Variants in CACNB2 observed in about 807,000 individuals in gnomAD.
CACNB2 encodes voltage-dependent L-type calcium channel subunit beta-2.
A neutral mutation model predicts 73.3 loss-of-function variants in CACNB2; 42 were observed. The observed-to-expected ratio is 0.57, with a 90% CI of 0.45 to 0.74. The LOEUF is 0.74. Among genes scored for constraint, CACNB2 ranks in the 30% least tolerant of loss-of-function variants. The pLI, the probability that CACNB2 is intolerant of heterozygous loss-of-function variation, is 0.00. For missense variants in CACNB2, 940 were observed against 853.0 expected (o/e 1.10, Z -1.27); for synonymous variants, 348 against 310.3 (o/e 1.12, Z -1.28).
chr10:18,317,026 T>G (rs2040212918), intron 2 of CACNB2, among the ~76,000 whole-genome samples: 1 of 152,080 alleles, frequency 6.6e-6, no homozygotes, highest in East Asian at 1.9e-4. Flanking sequence ...ACCTTCACAA[T>G]CCAGCAAGAA....
chr10:18,249,636 G>A (rs1372514752), intron 2 of CACNB2, among the ~76,000 whole-genome samples: 4 of 152,074 alleles, frequency 2.6e-5, no homozygotes, highest in African/African-American at 9.7e-5. Context: ...CATCTTACTT[G>A]ACCTCACCTC....
In CACNB2 at chr10:18,384,990, C is replaced by G. The variant is rs2043164568; in HGVS notation, c.214-16934C>G. ...ATCACATGCAGAACTTTGAAAAGAA[C>G]AGTTGCCGGCTGGGTGCGGTAGATC... On this transcript the variant is annotated intron_variant, in intron 2 of 13. Transcript: ENST00000324631. 2.0e-5 allele frequency among the ~76,000 whole-genome samples: 3 copies of G among 151,842 alleles called. No individual in the cohort carries two copies. In the South Asian group the frequency reaches 6.2e-4, roughly 32 times the overall value.
rs547507383 is a variant in CACNB2 at position 18,418,709 on chromosome 10, C to G, written c.333+16666C>G. On this transcript the variant is annotated intron_variant, in intron 3 of 13. Coordinates refer to ENST00000324631, the MANE Select transcript of CACNB2 (RefSeq NM_201596.3). ...TACCTCACTGCCGATTTCTGTATGT[C>G]ACTTCCCTTTTTTTTGGTCTATAAA... Among the ~76,000 whole-genome samples, 186 of 152,322 alleles carry G rather than the reference C, an allele frequency of 1.2e-3. 1 individual carries two copies. Among genetic ancestry groups the G allele is most frequent in the African/African-American group, 4.4e-3 (182 of 41,564 alleles).
intron 2 of CACNB2, among the ~76,000 whole-genome samples, chr10:18,174,916 G>C (rs909190511): frequency 7.2e-5 from 11 of 152,134 alleles, no homozygotes; most frequent in African/African-American, 2.7e-4. Flanking sequence ...TTTTCACTTT[G>C]GTTTTCAGAC....
At chr10:18,279,134 G>A (rs945282094) in intron 2 of CACNB2, among the ~76,000 whole-genome samples, 1 of 152,084 alleles carries the variant, frequency 6.6e-6, no homozygotes, top group African/African-American at 2.4e-5. Flanking sequence ...AATTTAGTTG[G>A]TTGGCCAAAT....
At chr10:18,299,785 T>C (rs979800801) in intron 2 of CACNB2, among the ~76,000 whole-genome samples, 1 of 152,168 alleles carries the variant, frequency 6.6e-6, no homozygotes, top group Non-Finnish European at 1.5e-5. Context: ...CTGATGGTTG[T>C]GAGAATGAAT....
intron 2 of CACNB2, among the ~76,000 whole-genome samples, chr10:18,371,716 C>A (rs1202409744): frequency 6.6e-6 from 1 of 152,032 alleles, no homozygotes; most frequent in Non-Finnish European, 1.5e-5. Context: ...GGGTATATAC[C>A]CAGTAATGGG....
chr10:18,410,111 C>T (rs1216243699), intron 3 of CACNB2, among the ~76,000 whole-genome samples: 4 of 152,132 alleles, frequency 2.6e-5, no homozygotes, highest in South Asian at 2.1e-4. Context: ...TGCCAGGGCC[C>T]TGCAGCTGCA....
intron 2 of CACNB2, among the ~76,000 whole-genome samples, chr10:18,330,523 C>T (rs1442123519): frequency 6.6e-6 from 1 of 152,068 alleles, no homozygotes; most frequent in Admixed American, 6.6e-5. Flanking sequence ...TGGTGTGTTC[C>T]TGTGATCCCA....
intron 2 of CACNB2, chr10:18,401,106 C>A (rs1402411444): frequency 1.2e-6 from 2 of 1,614,120 alleles, no homozygotes; most frequent in Admixed American, 1.7e-5. Flanking sequence ...TCTGTGTAAG[C>A]GCAAGGGCTT....
At chr10:18,178,656 G>T (rs544728573) in intron 2 of CACNB2, among the ~76,000 whole-genome samples, 1 of 152,274 alleles carries the variant, frequency 6.6e-6, no homozygotes, top group South Asian at 2.1e-4. Flanking sequence ...TTGGGTAAAA[G>T]CAAACATCTG....
At chr10:18,488,264 A>G (rs919220845) in intron 3 of CACNB2, among the ~76,000 whole-genome samples, 10 of 151,404 alleles carry the variant, frequency 6.6e-5, no homozygotes, top group East Asian at 2.0e-4. Flanking sequence ...TCACGAGGTC[A>G]GGAGATCGAG....
In CACNB2 at chr10:18,449,547, G is replaced by A. The variant is rs189540891; in HGVS notation, c.333+47504G>A. Among the ~76,000 whole-genome samples, 8 of 152,300 alleles carry A rather than the reference G, an allele frequency of 5.3e-5. No individual in the cohort carries two copies. The East Asian group carries it at 1.5e-3, about 29-fold the overall frequency. On this transcript the variant is annotated intron_variant, in intron 3 of 13. Transcript: ENST00000324631. ...GCTAAGAACCGTAGATACTTACATC[G>A]TGCTCTGCAAAAACTCCCTTTTTCT... is the stretch of plus-strand genomic sequence containing the variant.
At chr10:18,185,623 A>C (rs899463328) in intron 2 of CACNB2, among the ~76,000 whole-genome samples, 5 of 152,214 alleles carry the variant, frequency 3.3e-5, no homozygotes, top group Admixed American at 3.3e-4. Flanking sequence ...AATAGCTTGC[A>C]TTTGGAAAAC....
At chr10:18,524,675 A>T (rs61839355) in intron 9 of CACNB2, among the ~76,000 whole-genome samples, 1 of 136,706 alleles carries the variant, frequency 7.3e-6, no homozygotes, top group Non-Finnish European at 1.6e-5. Context: ...AAAAAAAAAA[A>T]TTGAGCAAAT....
intron 2 of CACNB2, among the ~76,000 whole-genome samples, chr10:18,303,402 G>C (rs1241783365): frequency 4.6e-5 from 7 of 152,046 alleles, no homozygotes; most frequent in African/African-American, 1.7e-4. Flanking sequence ...CCGCTCAGGG[G>C]GCTGAGATAG....
At chr10:18,277,371 T>C (rs1247082236) in intron 2 of CACNB2, among the ~76,000 whole-genome samples, 1 of 152,252 alleles carries the variant, frequency 6.6e-6, no homozygotes, top group Admixed American at 6.5e-5. Context: ...TGAAGTCTTA[T>C]GGTCCAGCTT....
At chr10:18,238,203 G>A (rs2036521787) in intron 2 of CACNB2, among the ~76,000 whole-genome samples, 2 of 152,142 alleles carry the variant, frequency 1.3e-5, no homozygotes, top group African/African-American at 4.8e-5. Context: ...GGCATATAAT[G>A]TACTCGAATC....
chr10:18,495,418 C>T (rs1306877029), intron 3 of CACNB2, among the ~76,000 whole-genome samples: 1 of 152,084 alleles, frequency 6.6e-6, no homozygotes, highest in Non-Finnish European at 1.5e-5. Flanking sequence ...GGGGTTTCTC[C>T]ATATTGGTCA....
Sources: gnomAD v4.1 joint callset for allele counts (sites outside exome capture counted in the v4.1 genomes callset) on GRCh38, gnomAD v4.1.1 for gene constraint, MANE v1.5 for transcripts, NCBI Gene and HGNC (gene_info 2026-07-23, HGNC 2026-07-21) for gene names.